PDE3A: variants seen among roughly 807,000 people sequenced by gnomAD.
PDE3A encodes phosphodiesterase 3A, also known as cGMP-inhibited 3',5'-cyclic phosphodiesterase 3A.
In PDE3A, 43 loss-of-function variants were observed where a neutral mutation model predicts 98.3. The observed-to-expected ratio is 0.44, with a 90% CI of 0.34 to 0.56. The LOEUF (loss-of-function observed/expected upper bound fraction) is 0.56, where lower values mean the gene tolerates loss of function less well. Ranked by LOEUF, PDE3A falls within the 20% of genes least tolerant of loss-of-function variation. PDE3A has a pLI of 0.01. For synonymous variants in PDE3A, 663 were observed against 567.9 expected (o/e 1.17, Z -2.38); for missense variants, 1,427 against 1,440.7 (o/e 0.99, Z 0.15).
intron 1 of PDE3A, among the ~76,000 whole-genome samples, chr12:20,470,423 T>C (rs1945417120): frequency 6.6e-6 from 1 of 150,398 alleles, no homozygotes; most frequent in African/African-American, 2.5e-5. Context: ...AAGGGGGTTG[T>C]GTCCCAGGGT....
intron 1 of PDE3A, among the ~76,000 whole-genome samples, chr12:20,502,878 A>G (rs2121088879): frequency 6.6e-6 from 1 of 152,282 alleles, no homozygotes; most frequent in Non-Finnish European, 1.5e-5. Flanking sequence ...CTGGACAGAC[A>G]TAACTTTGGC....
rs541545635 is a variant in PDE3A at position 20,608,949 on chromosome 12, A to G, written c.1012-4494A>G. Among the ~76,000 whole-genome samples the G allele has an allele frequency of 1.2e-4, 18 of 152,188 alleles. No individual in the cohort carries two copies. In the South Asian group the frequency reaches 3.1e-3, roughly 26 times the overall value. Reference sequence around the variant, plus strand: ...AATTTGTATGGAAACAGTCCAGTTAATTGTTAGTTTATTAGAACAACATGG... The same window carrying G: ...AATTTGTATGGAAACAGTCCAGTTAGTTGTTAGTTTATTAGAACAACATGG... On this transcript the variant is annotated intron_variant, in intron 2 of 15. Transcript: ENST00000359062.
Position 20,370,166 on chromosome 12 carries a change from C to G in PDE3A, c.882C>G (p.Ser294=). ...TTAAGAGGAGGAGGCGGTCCAGCTC[C>G]GTCGTGTCCGCCGAGATGTCCGGCT... ...PVFKRRRRSS[S]VVSAEMSGCS... Residue 294 remains serine (S), a synonymous_variant, in exon 1 of 16, where the codon TCC becomes TCG. Transcript: ENST00000359062. The G allele has an allele frequency of 6.2e-7, 1 of 1,612,486 alleles. No homozygotes were observed. Among genetic ancestry groups the G allele is most frequent in the Non-Finnish European group, 8.5e-7 (1 of 1,179,440 alleles).
intron 15 of PDE3A, among the ~76,000 whole-genome samples, chr12:20,678,684 C>T (rs1483998408): frequency 6.6e-6 from 1 of 152,188 alleles, no homozygotes; most frequent in Non-Finnish European, 1.5e-5. Context: ...AAGTTCACTT[C>T]ATGCCAGATG....
chr12:20,411,223 C>G (rs182897828), intron 1 of PDE3A, among the ~76,000 whole-genome samples: 6 of 152,190 alleles, frequency 3.9e-5, no homozygotes, highest in East Asian at 3.9e-4. Flanking sequence ...GTTGTGCAAC[C>G]ATCATCAATA....
chr12:20,631,011 A>G (rs1209527700), intron 6 of PDE3A, among the ~76,000 whole-genome samples: 2 of 152,178 alleles, frequency 1.3e-5, no homozygotes, highest in Non-Finnish European at 2.9e-5. Flanking sequence ...TTTAAGAAAT[A>G]GCAACTTATA....
intron 1 of PDE3A, among the ~76,000 whole-genome samples, chr12:20,430,798 A>T (rs2120799349): frequency 6.6e-6 from 1 of 152,244 alleles, no homozygotes; most frequent in East Asian, 1.9e-4. Flanking sequence ...AATTTCACTG[A>T]GCTTGGAAGA....
chr12:20,593,560 A>G (rs528758047), intron 2 of PDE3A, among the ~76,000 whole-genome samples: 1 of 148,056 alleles, frequency 6.8e-6, no homozygotes, highest in African/African-American at 2.5e-5. Flanking sequence ...AAAAAAAAAA[A>G]TGTCAGTCTT....
At chr12:20,623,953 G>A (rs1311659598) in intron 5 of PDE3A, among the ~76,000 whole-genome samples, 12 of 152,040 alleles carry the variant, frequency 7.9e-5, no homozygotes, top group Non-Finnish European at 1.8e-4. Context: ...CCAGATTTGT[G>A]AATAGTTTTT....
intron 1 of PDE3A, among the ~76,000 whole-genome samples, chr12:20,531,636 G>A (rs1211625241): frequency 6.6e-6 from 1 of 152,062 alleles, no homozygotes; most frequent in Non-Finnish European, 1.5e-5. Flanking sequence ...TTGCAGAACT[G>A]AGACTTAAAA....
chr12:20,598,274 C>T (rs1382075687), intron 2 of PDE3A, among the ~76,000 whole-genome samples: 1 of 151,920 alleles, frequency 6.6e-6, no homozygotes, highest in Non-Finnish European at 1.5e-5. Flanking sequence ...CCTCCGCCTC[C>T]TTGGTCCAAG....
intron 1 of PDE3A, among the ~76,000 whole-genome samples, chr12:20,537,103 G>C (rs1177573275): frequency 6.6e-6 from 1 of 151,898 alleles, no homozygotes; most frequent in Non-Finnish European, 1.5e-5. Flanking sequence ...CATACTGATG[G>C]GTATAAGATG....
At chr12:20,486,429 A>T (rs1331406421) in intron 1 of PDE3A, among the ~76,000 whole-genome samples, 1 of 152,178 alleles carries the variant, frequency 6.6e-6, no homozygotes, top group African/African-American at 2.4e-5. Context: ...CCCTTGACAC[A>T]TCGGAATCAT....
chr12:20,519,005 G>T (rs1946373535), intron 1 of PDE3A, among the ~76,000 whole-genome samples: 1 of 151,572 alleles, frequency 6.6e-6, no homozygotes, highest in Non-Finnish European at 1.5e-5. Flanking sequence ...ATTGATCTGT[G>T]TTGCTAAAGA....
chr12:20,475,539 G>A (rs757027431), intron 1 of PDE3A, among the ~76,000 whole-genome samples: 1 of 152,014 alleles, frequency 6.6e-6, no homozygotes, highest in Non-Finnish European at 1.5e-5. Flanking sequence ...GACCAGCCTG[G>A]CCAACGTGGT....
chr12:20,457,356 A>G (rs1945170532), intron 1 of PDE3A, among the ~76,000 whole-genome samples: 1 of 151,442 alleles, frequency 6.6e-6, no homozygotes, highest in Non-Finnish European at 1.5e-5. Context: ...GGTAGCTTAG[A>G]TTTTTCTAGG....
At chr12:20,551,682 T>G (rs1400871446) in intron 1 of PDE3A, 7 of 1,610,122 alleles carry the variant, frequency 4.3e-6, no homozygotes, top group Non-Finnish European at 5.9e-6. Flanking sequence ...CCCTCAGCAG[T>G]GTTCCCAGCG....
intron 2 of PDE3A, among the ~76,000 whole-genome samples, chr12:20,584,860 T>C (rs4545610): frequency 0.97 from 147,610 of 152,146 alleles, 71,722 homozygotes; most frequent in East Asian, 1. Flanking sequence ...ACCTGTTTTC[T>C]GGGCAGTTTT....
At position 20,680,517 on chromosome 12, in the gene PDE3A, T is replaced by G; in HGVS notation, c.*246T>G. ...GGATTTTTTAAGGAGGGAATATATATGTGTGTGTGTATATAAGCTCCCACA... is the reference window on the plus strand; with the variant it reads ...GGATTTTTTAAGGAGGGAATATATAGGTGTGTGTGTATATAAGCTCCCACA... On this transcript the variant is annotated 3_prime_UTR_variant, in exon 16 of 16. Transcript: ENST00000359062. 1 of 438,738 alleles carries G rather than the reference T, an allele frequency of 2.3e-6. No homozygotes were observed. The highest frequency in any genetic ancestry group is 4.2e-6 in the Non-Finnish European group (1 of 239,558). The allele number at this position is 438,738 out of a possible 1,614,324, so 27.2% of individuals were successfully genotyped here. A position where few individuals can be genotyped will look rare whatever the true frequency, so the allele number is the denominator to read the frequency against.
Sources: gnomAD v4.1 joint callset for allele counts (sites outside exome capture counted in the v4.1 genomes callset) on GRCh38, gnomAD v4.1.1 for gene constraint, MANE v1.5 for transcripts, NCBI Gene and HGNC (gene_info 2026-07-23, HGNC 2026-07-21) for gene names.